Variants in CNTLN observed in about 807,000 individuals in gnomAD.
CNTLN encodes centlein, centrosomal protein.
In CNTLN, 212 loss-of-function variants were observed where a neutral mutation model predicts 180.0. That is an observed-to-expected ratio of 1.18 (90% CI 1.05 to 1.32). CNTLN has a LOEUF of 1.32. Among genes scored for constraint, CNTLN ranks in the 40% most tolerant of loss-of-function variants. The pLI is 0.00. For synonymous variants in CNTLN, 722 were observed against 563.1 expected (o/e 1.28, Z -3.99); for missense variants, 2,095 against 1,610.9 (o/e 1.30, Z -5.14).
At chr9:17,386,177 AG>A (rs1307220043) in intron 13 of CNTLN, among the ~76,000 whole-genome samples, 1 of 152,082 alleles carries the variant, frequency 6.6e-6, no homozygotes, top group Admixed American at 6.6e-5. Context: ...ATTAAAAAAA[AG>A]AATCTAAAAG....
intron 25 of CNTLN, 149 bp downstream of exon 25, chr9:17,487,215 T>G: frequency 1.5e-6 from 1 of 655,930 alleles, no homozygotes; most frequent in East Asian, 2.8e-5. Flanking sequence ...AAAGGAAAGT[T>G]AACCCTCTAT....
intron 6 of CNTLN, among the ~76,000 whole-genome samples, chr9:17,280,601 C>T (rs941346876): frequency 2.6e-5 from 4 of 152,080 alleles, no homozygotes; most frequent in Admixed American, 6.5e-5. Context: ...AAAAGTAATT[C>T]GAGGTAATGC....
intron 12 of CNTLN, among the ~76,000 whole-genome samples, chr9:17,360,370 G>A (rs764523690): frequency 2.6e-5 from 4 of 152,286 alleles, no homozygotes; most frequent in Non-Finnish European, 4.4e-5. Context: ...TTATAGCTAA[G>A]GTAGAGGTCA....
At chr9:17,248,570 GA>G (rs1298725675) in intron 5 of CNTLN, among the ~76,000 whole-genome samples, 1 of 147,208 alleles carries the variant, frequency 6.8e-6, no homozygotes, top group Non-Finnish European at 1.5e-5. Flanking sequence ...TATAAATATA[GA>G]ATATATACTA....
At chr9:17,211,123 C>A (rs934697905) in intron 2 of CNTLN, among the ~76,000 whole-genome samples, 7 of 152,110 alleles carry the variant, frequency 4.6e-5, no homozygotes, top group Non-Finnish European at 8.8e-5. Flanking sequence ...GACATGAAGT[C>A]CTTGCCCATG....
At chr9:17,171,182 A>G (rs967117310) in intron 2 of CNTLN, among the ~76,000 whole-genome samples, 1 of 150,244 alleles carries the variant, frequency 6.7e-6, no homozygotes, top group Non-Finnish European at 1.5e-5. Context: ...GAAAATTGTC[A>G]TTTTGTTTTT....
At chr9:17,378,946 A>T (rs1825003386) in intron 13 of CNTLN, among the ~76,000 whole-genome samples, 1 of 152,150 alleles carries the variant, frequency 6.6e-6, no homozygotes, top group Non-Finnish European at 1.5e-5. Flanking sequence ...TAGAGTGCAC[A>T]TCTGCTGGTA....
intron 2 of CNTLN, among the ~76,000 whole-genome samples, chr9:17,159,728 A>G (rs1455957370): frequency 6.6e-6 from 1 of 151,462 alleles, no homozygotes; most frequent in Non-Finnish European, 1.5e-5. Context: ...TGGAATGGAG[A>G]CTACACCGTG....
chr9:17,523,176 A>C, the CNTLN span, among the ~76,000 whole-genome samples: 2 of 152,132 alleles, frequency 1.3e-5, no homozygotes, highest in African/African-American at 4.8e-5. Flanking sequence ...AAAGCCTTAT[A>C]ACCATAATAT....
chr9:17,211,716 C>A (rs907955586), intron 2 of CNTLN, among the ~76,000 whole-genome samples: 5 of 151,204 alleles, frequency 3.3e-5, no homozygotes, highest in African/African-American at 1.2e-4. Flanking sequence ...TTGTTTATGT[C>A]CTCTTTTATT....
intron 23 of CNTLN, among the ~76,000 whole-genome samples, chr9:17,479,777 T>C (rs538515211): frequency 6.6e-6 from 1 of 152,220 alleles, no homozygotes; most frequent in Admixed American, 6.5e-5. Context: ...ACATGACTGG[T>C]ATAAATCCAA....
chr9:17,444,223 C>G (rs1009428306), intron 18 of CNTLN: 3 of 152,224 alleles, frequency 2.0e-5, no homozygotes, highest in African/African-American at 7.2e-5. Flanking sequence ...CCATGCAGCT[C>G]TGGCCATGCG....
chr9:17,401,240 GATGGATGACCAGACTATAT>G (rs1564073025), intron 15 of CNTLN, among the ~76,000 whole-genome samples: 1 of 152,164 alleles, frequency 6.6e-6, no homozygotes, highest in African/African-American at 2.4e-5. Context: ...TTAAGTTTTT[GATGGATGACCAGACTATAT>G]ATACATAGCA....
intron 2 of CNTLN, among the ~76,000 whole-genome samples, chr9:17,193,863 A>C (rs750160070): frequency 5.3e-5 from 8 of 152,214 alleles, no homozygotes; most frequent in Non-Finnish European, 1.0e-4. Flanking sequence ...CTGCCTAGGC[A>C]TCCAGGTGTT....
Position 17,395,061 on chromosome 9 carries a change from T to G in CNTLN, c.2607T>G (p.Ser869Arg). The G allele has an allele frequency of 1.2e-6, 2 of 1,605,734 alleles. No homozygotes were observed. The highest frequency in any genetic ancestry group is 1.7e-6 in the Non-Finnish European group (2 of 1,174,634). The change falls in exon 15 of 26, where the codon AGT (serine) becomes AGG (arginine). Residue 869 changes from serine to arginine, a missense_variant. Transcript: ENST00000380647. The part of the protein sequence containing the change: ...NLSKDGWEDV[S>R]ESSSDSEAQT... The stretch of plus-strand genomic sequence containing the variant: ...GCAAGGACGGCTGGGAGGATGTGAG[T>G]GAAAGCAGGTAAGGCTCTCATTAAC...
At chr9:17,459,940 C>T (rs1216772241) in intron 19 of CNTLN, among the ~76,000 whole-genome samples, 1 of 151,642 alleles carries the variant, frequency 6.6e-6, no homozygotes, top group African/African-American at 2.4e-5. Flanking sequence ...TTAGGGGAAA[C>T]AGAATTTAGC....
intron 2 of CNTLN, among the ~76,000 whole-genome samples, chr9:17,188,895 A>T (rs1004766331): frequency 6.6e-6 from 1 of 151,650 alleles, no homozygotes; most frequent in Non-Finnish European, 1.5e-5. Context: ...CCTCCAGATT[A>T]TGGATTATGT....
intron 6 of CNTLN, among the ~76,000 whole-genome samples, chr9:17,276,547 A>T (rs918149212): frequency 1.3e-5 from 2 of 151,710 alleles, no homozygotes; most frequent in Non-Finnish European, 1.5e-5. Flanking sequence ...TATTTGATCC[A>T]TGTCACCCAT....
chr9:17,156,094 G>C (rs188041460), intron 2 of CNTLN, among the ~76,000 whole-genome samples: 1 of 152,158 alleles, frequency 6.6e-6, no homozygotes, highest in South Asian at 2.1e-4. Context: ...AGATGAACCG[G>C]GTACTTCAGT....
Sources: allele counts gnomAD v4.1 joint callset (sites outside exome capture counted in the v4.1 genomes callset), GRCh38; gene constraint gnomAD v4.1.1; transcripts MANE v1.5; gene names NCBI Gene and HGNC (gene_info 2026-07-23, HGNC 2026-07-21).